LIMA1: variants seen among roughly 807,000 people sequenced by gnomAD.
LIMA1 encodes the protein LIM domain and actin binding 1.
A neutral mutation model predicts 62.6 loss-of-function variants in LIMA1; 52 were observed. That is an observed-to-expected ratio of 0.83 (90% confidence interval 0.67 to 1.05). LIMA1 has a LOEUF of 1.05. Among genes scored for constraint, LIMA1 ranks in the 50% least tolerant of loss-of-function variants. The pLI, the probability that LIMA1 is intolerant of heterozygous loss-of-function variation, is 0.00. For synonymous variants in LIMA1, 302 were observed against 317.8 expected (o/e 0.95, Z 0.53); for missense variants, 780 against 902.2 (o/e 0.86, Z 1.74).
chr12:50,194,462 A>C (rs1480601595), intron 8 of LIMA1, among the ~76,000 whole-genome samples: 1 of 150,994 alleles, frequency 6.6e-6, no homozygotes, highest in Non-Finnish European at 1.5e-5. Context: ...ACGCCTGGCT[A>C]ATTTTTGTAT....
chr12:50,210,947 G>C (rs1425034470), intron 4 of LIMA1, among the ~76,000 whole-genome samples: 1 of 152,090 alleles, frequency 6.6e-6, no homozygotes, highest in African/African-American at 2.4e-5. Flanking sequence ...AGGTAAGATG[G>C]GTTTTCATGA....
intron 1 of LIMA1, among the ~76,000 whole-genome samples, chr12:50,252,462 T>C (rs1941942179): frequency 6.6e-6 from 1 of 150,432 alleles, no homozygotes; most frequent in Admixed American, 6.7e-5. Flanking sequence ...GCGCCTGTAA[T>C]CCCAGCTGCT....
chr12:50,185,539 T>C, intron 9 of LIMA1: 1 of 449,620 alleles, frequency 2.2e-6, no homozygotes, highest in Non-Finnish European at 4.5e-6. Flanking sequence ...ACTCAGAGAC[T>C]CAGATCCAAG....
chr12:50,234,606 GC>G (rs1941661832), intron 2 of LIMA1, among the ~76,000 whole-genome samples: 1 of 152,060 alleles, frequency 6.6e-6, no homozygotes, highest in South Asian at 2.1e-4. Flanking sequence ...CTCTCCTTGG[GC>G]CTGCCTTAGC....
chr12:50,259,906 C>G (rs1942043325), intron 1 of LIMA1, among the ~76,000 whole-genome samples: 1 of 152,118 alleles, frequency 6.6e-6, no homozygotes, highest in African/African-American at 2.4e-5. Flanking sequence ...ACACTAAGAC[C>G]CAGAGCAAAA....
At chr12:50,277,215 C>CT (rs918079917) in intron 1 of LIMA1, among the ~76,000 whole-genome samples, 3 of 151,234 alleles carry the variant, frequency 2.0e-5, no homozygotes, top group Admixed American at 6.6e-5. Flanking sequence ...TTTTTGACTT[C>CT]TTTTTTTTTC....
At position 50,220,826 on chromosome 12, in the gene LIMA1, A is replaced by G. The variant is rs572240385; in HGVS notation, c.630+1195T>C. Among the ~76,000 whole-genome samples the G allele has an allele frequency of 1.6e-4, 25 of 152,358 alleles. 1 individual carries two copies. In the South Asian group the frequency reaches 5.0e-3, roughly 30 times the overall value. ...GGGAAGAGAGTTAAGAAACGTTATA[A>G]AACTGCTTTGTGGTTACATCTCTTG... On this transcript the variant is annotated intron_variant, in intron 4 of 10. Transcript: ENST00000341247.
In LIMA1 at chr12:50,193,650, G is replaced by GTATA. The variant is rs1245022184; in HGVS notation, c.1031-1093_1031-1090dup. On this transcript the variant is annotated intron_variant, in intron 8 of 10. Transcript: ENST00000341247. ...TATATACGTGTGTGTGTGTGTGTGT[G>GTATA]TATATATATATATATATTTTTTTTT... 2.0e-4 allele frequency among the ~76,000 whole-genome samples: 13 copies of GTATA among 64,316 alleles called. 1 individual carries two copies. The highest frequency in any genetic ancestry group is 2.7e-4 in the Non-Finnish European group (9 of 33,186). The allele number at this position is 64,316 out of a possible 152,430, so 42.2% of individuals were successfully genotyped here.
intron 6 of LIMA1, among the ~76,000 whole-genome samples, chr12:50,203,427 T>C (rs78726243): frequency 6.6e-6 from 1 of 151,826 alleles, no homozygotes; most frequent in Non-Finnish European, 1.5e-5. Context: ...TTTTTTTTTT[T>C]CCTGGAGACG....
chr12:50,252,971 G>A (rs7132551), intron 1 of LIMA1, among the ~76,000 whole-genome samples: 56,025 of 151,994 alleles, frequency 0.37, 11,024 homozygotes, highest in African/African-American at 0.49. Flanking sequence ...TAAGTGAGAG[G>A]TAATCAAGGT....
intron 1 of LIMA1, among the ~76,000 whole-genome samples, chr12:50,253,646 T>TG (rs1387623130): frequency 5.3e-5 from 8 of 152,210 alleles, no homozygotes; most frequent in Non-Finnish European, 1.0e-4. Flanking sequence ...TAATCATTCC[T>TG]GCTTTCAGGG....
At chr12:50,194,783 C>A (rs767305628) in intron 8 of LIMA1, among the ~76,000 whole-genome samples, 11 of 151,940 alleles carry the variant, frequency 7.2e-5, no homozygotes, top group Non-Finnish European at 1.6e-4. Flanking sequence ...CACGGTGGCT[C>A]ACGCCTGTAA....
At chr12:50,233,599 A>ACTGCAATCTCCGCCTCC (rs1471899253) in intron 2 of LIMA1, among the ~76,000 whole-genome samples, 1 of 152,178 alleles carries the variant, frequency 6.6e-6, no homozygotes, top group Non-Finnish European at 1.5e-5. Flanking sequence ...ATCTCGGCTC[A>ACTGCAATCTCCGCCTCC]CTGCAATCTC....
chr12:50,209,290 T>C (rs1941209938), intron 4 of LIMA1, among the ~76,000 whole-genome samples: 1 of 151,024 alleles, frequency 6.6e-6, no homozygotes, highest in African/African-American at 2.4e-5. Context: ...AATGAAGTGG[T>C]TGGGTGCGGT....
rs1941148758 is a variant in LIMA1 at position 50,206,142 on chromosome 12, C to A, written c.631-74G>T. ...TTGACGCAAGGTTCAACTTGCAAAC[C>A]TTCTTTATAAATAAAATCCAGATTT... On this transcript the variant is annotated intron_variant, in intron 4 of 10. Transcript: ENST00000341247. The A allele has an allele frequency of 7.3e-6, 8 of 1,094,010 alleles. No homozygotes were observed. The Admixed American group carries it at 7.9e-5, about 11-fold the overall frequency. 67.8% of individuals were successfully genotyped at this position (1,094,010 alleles called of 1,614,324 possible).
At chr12:50,274,389 T>C (rs896083967) in intron 1 of LIMA1, among the ~76,000 whole-genome samples, 5 of 152,098 alleles carry the variant, frequency 3.3e-5, no homozygotes, top group Admixed American at 3.3e-4. Flanking sequence ...ATGCAGACCA[T>C]CCTGGCCAAC....
At chr12:50,185,870 C>T (rs911075828) in intron 9 of LIMA1, 2 of 173,324 alleles carry the variant, frequency 1.2e-5, no homozygotes, top group Non-Finnish European at 2.5e-5. Flanking sequence ...CTAGCCAGAC[C>T]TATCAGAGTC....
At chr12:50,211,985 T>C (rs1175263130) in intron 4 of LIMA1, among the ~76,000 whole-genome samples, 6 of 152,102 alleles carry the variant, frequency 3.9e-5, no homozygotes, top group Admixed American at 2.6e-4. Flanking sequence ...CACCCTGAAG[T>C]CCTCCTTCCT....
chr12:50,192,238 G>A (rs1023674666), intron 9 of LIMA1, among the ~76,000 whole-genome samples: 2 of 152,054 alleles, frequency 1.3e-5, no homozygotes, highest in Non-Finnish European at 2.9e-5. Context: ...CAAACTGAGA[G>A]TCATTAGTGA....
Sources: allele counts gnomAD v4.1 joint callset (sites outside exome capture counted in the v4.1 genomes callset), GRCh38; gene constraint gnomAD v4.1.1; transcripts MANE v1.5; gene names NCBI Gene and HGNC (gene_info 2026-07-23, HGNC 2026-07-21).